PCDHA4: variants seen among roughly 807,000 people sequenced by gnomAD.
The protein encoded by PCDHA4 is protocadherin alpha-4.
A neutral mutation model predicts 61.4 loss-of-function variants in PCDHA4; 49 were observed. That is an observed-to-expected ratio of 0.80 (90% CI 0.63 to 1.01). The LOEUF is 1.01. Among genes scored for constraint, PCDHA4 ranks in the 50% least tolerant of loss-of-function variants. The pLI is 0.00. For missense variants in PCDHA4, 1,254 were observed against 1,235.8 expected, an observed-to-expected ratio of 1.01 and a Z score of -0.22; for synonymous variants, 590 against 550.3, an observed-to-expected ratio of 1.07 and a Z score of -1.01.
intron 1 of PCDHA4, among the ~76,000 whole-genome samples, chr5:140,888,467 A>C (rs562447782): frequency 7.2e-5 from 11 of 152,334 alleles, no homozygotes; most frequent in African/African-American, 2.6e-4. Flanking sequence ...TCAAAATGTC[A>C]GTAGTTCCAC....
At chr5:140,934,563 T>A (rs1017456946) in intron 1 of PCDHA4, among the ~76,000 whole-genome samples, 1 of 152,212 alleles carries the variant, frequency 6.6e-6, no homozygotes, top group African/African-American at 2.4e-5. Flanking sequence ...TTCTTTTTTT[T>A]AATTAATTGT....
chr5:140,955,220 A>T (rs1016918569), intron 1 of PCDHA4, among the ~76,000 whole-genome samples: 1 of 152,130 alleles, frequency 6.6e-6, no homozygotes, highest in Non-Finnish European at 1.5e-5. Flanking sequence ...TGATGCCTCC[A>T]GCTTTGTTCT....
At chr5:140,882,108 A>T in intron 1 of PCDHA4, 4 of 1,370,912 alleles carry the variant, frequency 2.9e-6, no homozygotes, top group Non-Finnish European at 3.9e-6. Context: ...TCCGCGAAGA[A>T]AGCCGCCGTT....
chr5:140,882,032 T>C (rs2058914811), intron 1 of PCDHA4: 2 of 623,536 alleles, frequency 3.2e-6, no homozygotes, highest in Non-Finnish European at 5.1e-6. Flanking sequence ...ATGGAAAATA[T>C]GAAGACTGAG....
chr5:140,824,618 T>TTTTTTTTTA (rs1562279613), intron 1 of PCDHA4: 1 of 128,814 alleles, frequency 7.8e-6, no homozygotes, highest in Middle Eastern at 3.3e-3. Flanking sequence ...AAGTTTTTTT[T>TTTTTTTTTA]TTTTTTTTTT....
intron 1 of PCDHA4, chr5:140,830,253 T>G: frequency 6.2e-7 from 1 of 1,613,696 alleles, no homozygotes; most frequent in Non-Finnish European, 8.5e-7. Flanking sequence ...TACACAGCGC[T>G]GCGGTGCTCG....
At chr5:140,847,770 T>C (rs2150403735) in intron 1 of PCDHA4, 3 of 149,954 alleles carry the variant, frequency 2.0e-5, no homozygotes, top group African/African-American at 7.3e-5. Context: ...TTAAAGTCAA[T>C]TCTCGCTTTT....
intron 1 of PCDHA4, chr5:140,863,119 A>G: frequency 1.7e-6 from 1 of 591,284 alleles, no homozygotes. Context: ...GGCGAAAGCT[A>G]CGCGCCACCG....
At chr5:140,962,747 G>A (rs1385433172) in intron 1 of PCDHA4, among the ~76,000 whole-genome samples, 1 of 152,142 alleles carries the variant, frequency 6.6e-6, no homozygotes, top group Non-Finnish European at 1.5e-5. Flanking sequence ...ATGAAGATCA[G>A]GAATCCTATT....
At position 140,853,383 on chromosome 5, in the gene PCDHA4, A is replaced by T. The variant is rs2150531366; in HGVS notation, c.2385+43811A>T. ...GGATCCAGAGATGGTAAAATTCAAAACAGCCTGTCAAGTTCAAAACAGAGA... is the reference window on the plus strand; with the variant it reads ...GGATCCAGAGATGGTAAAATTCAAATCAGCCTGTCAAGTTCAAAACAGAGA... On this transcript the variant is annotated intron_variant, in intron 1 of 3. Transcript: ENST00000530339. 4 of 985,712 alleles carry T rather than the reference A, an allele frequency of 4.1e-6. No homozygotes were observed. In the Admixed American group the frequency reaches 1.9e-4, roughly 47 times the overall value. The allele number at this position is 985,712 out of a possible 1,614,324, so 61.1% of individuals were successfully genotyped here.
intron 1 of PCDHA4, among the ~76,000 whole-genome samples, chr5:140,959,833 T>C (rs539062460): frequency 1.3e-5 from 2 of 152,366 alleles, no homozygotes; most frequent in East Asian, 3.9e-4. Context: ...TAATGTATTA[T>C]GCCTGTAACT....
intron 1 of PCDHA4, among the ~76,000 whole-genome samples, chr5:140,935,712 T>C (rs1480290454): frequency 1.3e-5 from 2 of 152,138 alleles, no homozygotes; most frequent in African/African-American, 4.8e-5. Context: ...TAAAACAAAA[T>C]ATATTTAGAG....
At chr5:140,862,843 C>T (rs781903712) in intron 1 of PCDHA4, 3 of 572,390 alleles carry the variant, frequency 5.2e-6, no homozygotes, top group African/African-American at 2.0e-5. Flanking sequence ...GGGCATGCCG[C>T]CTCTGAGCAG....
At chr5:140,960,483 T>G (rs1554224788) in intron 1 of PCDHA4, among the ~76,000 whole-genome samples, 1 of 151,978 alleles carries the variant, frequency 6.6e-6, no homozygotes, top group Non-Finnish European at 1.5e-5. Flanking sequence ...TACACAGAGG[T>G]GTAGGTTTGT....
chr5:141,010,006 T>C lies in PCDHA4; in HGVS notation c.*69T>C. The stretch of plus-strand genomic sequence containing the variant: ...ATGGCAAATCTCTCCCATGTAGCAA[T>C]TCCCTGCTCCTTTTTCCTATCTACA... On this transcript the variant is annotated 3_prime_UTR_variant, in exon 4 of 4. Transcript: ENST00000530339. 1 of 1,572,424 alleles carries C rather than the reference T, an allele frequency of 6.4e-7. No individual in the cohort carries two copies. Among genetic ancestry groups the C allele is most frequent in the Non-Finnish European group, 8.6e-7 (1 of 1,163,442 alleles).
At position 140,982,472 on chromosome 5, in the gene PCDHA4, C is replaced by T; in HGVS notation, c.2445-3C>T. The stretch of plus-strand genomic sequence containing the variant: ...CGTTATCTGGGTCTGTGTGTTTATT[C>T]AGCTCTGTGCACCTAGAGGAGGCTG... On this transcript the variant is annotated splice_polypyrimidine_tract_variant and splice_region_variant and intron_variant, in intron 2 of 3. Transcript: ENST00000530339. The T allele has an allele frequency of 3.1e-6, 5 of 1,614,144 alleles. No individual in the cohort carries two copies. Among genetic ancestry groups the T allele is most frequent in the Non-Finnish European group, 4.2e-6 (5 of 1,180,022 alleles).
intron 1 of PCDHA4, among the ~76,000 whole-genome samples, chr5:140,897,430 C>A (rs1297820601): frequency 6.7e-6 from 1 of 148,618 alleles, no homozygotes; most frequent in East Asian, 2.0e-4. Flanking sequence ...TGAGTGAGAA[C>A]ATGCAGTGTT....
At chr5:140,881,185 A>G (rs893291095) in intron 1 of PCDHA4, 7 of 166,796 alleles carry the variant, frequency 4.2e-5, no homozygotes, top group African/African-American at 1.7e-4. Flanking sequence ...CTTGCTAAAG[A>G]TATGTTAACA....
intron 1 of PCDHA4, among the ~76,000 whole-genome samples, chr5:140,845,178 C>A (rs1562424606): frequency 6.7e-6 from 1 of 149,120 alleles, no homozygotes; most frequent in Non-Finnish European, 1.5e-5. Context: ...CATTTTAGTC[C>A]TTTAAAAAAT....
Sources: allele counts gnomAD v4.1 joint callset (sites outside exome capture counted in the v4.1 genomes callset), GRCh38; gene constraint gnomAD v4.1.1; transcripts MANE v1.5; gene names NCBI Gene and HGNC (gene_info 2026-07-23, HGNC 2026-07-21).